LRRC8D: variants seen among roughly 807,000 people sequenced by gnomAD.
The protein encoded by LRRC8D is leucine rich repeat containing 8 VRAC subunit D.
A neutral mutation model predicts 55.8 loss-of-function variants in LRRC8D; 20 were observed. That is an observed-to-expected ratio of 0.36 (90% CI 0.25 to 0.52). LRRC8D has a LOEUF of 0.52. Ranked by LOEUF, LRRC8D falls within the 20% of genes least tolerant of loss-of-function variation. LRRC8D has a pLI of 0.93. For synonymous variants in LRRC8D, 352 were observed against 377.0 expected (o/e 0.93, Z 0.77); for missense variants, 651 against 1,030.8 (o/e 0.63, Z 5.05).
intron 2 of LRRC8D, among the ~76,000 whole-genome samples, chr1:89,921,927 A>G (rs1421158588): frequency 1.3e-5 from 2 of 152,096 alleles, no homozygotes; most frequent in Admixed American, 6.5e-5. Flanking sequence ...AATCTCATGA[A>G]TATATGTTTT....
intron 2 of LRRC8D, among the ~76,000 whole-genome samples, chr1:89,909,662 C>T (rs551513335): frequency 2.6e-5 from 4 of 151,876 alleles, no homozygotes; most frequent in East Asian, 1.9e-4. Flanking sequence ...GTCAGGAGAT[C>T]GAGACCATCC....
chr1:89,936,379 G>T lies in LRRC8D; in HGVS notation c.*734G>T, dbSNP rs1247957164. On this transcript the variant is annotated 3_prime_UTR_variant, in exon 3 of 3. Transcript: ENST00000337338. ...GGTACATTTTTCTACCAGTAATATA[G>T]GGTTGCCAATAAATAGAAAATGTTT... The T allele has an allele frequency of 6.0e-6, 1 of 166,330 alleles. No individual in the cohort carries two copies. The highest frequency in any genetic ancestry group is 1.5e-5 in the Non-Finnish European group (1 of 68,048). 10.3% of individuals were successfully genotyped at this position (166,330 alleles called of 1,614,324 possible).
At chr1:89,841,809 G>C (rs1661139985) in intron 1 of LRRC8D, among the ~76,000 whole-genome samples, 1 of 152,112 alleles carries the variant, frequency 6.6e-6, no homozygotes, top group Non-Finnish European at 1.5e-5. Flanking sequence ...TTATTCAGGT[G>C]GTTAAAGAAA....
rs559209054 is a variant in LRRC8D, at chr1:89,838,814, T to C, written c.-147-4824T>C. ...TTGATCAGTGGATCAGTCTTATTAT[T>C]TTATAAAATAATATCCAGCTGCAGC... is the stretch of plus-strand genomic sequence containing the variant. On this transcript the variant is annotated intron_variant, in intron 1 of 2. Transcript: ENST00000337338. Among the ~76,000 whole-genome samples, 14 of 152,358 alleles carry C rather than the reference T, an allele frequency of 9.2e-5. No individual in the cohort carries two copies. The East Asian group carries it at 2.7e-3, about 29-fold the overall frequency.
At chr1:89,839,991 C>T (rs1570808553) in intron 1 of LRRC8D, among the ~76,000 whole-genome samples, 1 of 152,196 alleles carries the variant, frequency 6.6e-6, no homozygotes, top group African/African-American at 2.4e-5. Context: ...CCCATTAGTC[C>T]TCAGAAAAGC....
intron 2 of LRRC8D, among the ~76,000 whole-genome samples, chr1:89,862,293 T>C (rs987478169): frequency 6.6e-6 from 1 of 152,192 alleles, no homozygotes; most frequent in Non-Finnish European, 1.5e-5. Context: ...TTACATCTAG[T>C]GTACCACCCT....
At chr1:89,921,152 C>T (rs1261777876) in intron 2 of LRRC8D, among the ~76,000 whole-genome samples, 2 of 152,084 alleles carry the variant, frequency 1.3e-5, no homozygotes, top group Non-Finnish European at 2.9e-5. Context: ...TCACTTGAGT[C>T]CAGGAGTTCA....
chr1:89,861,183 C>T (rs1394657711), intron 2 of LRRC8D, among the ~76,000 whole-genome samples: 1 of 152,148 alleles, frequency 6.6e-6, no homozygotes, highest in Non-Finnish European at 1.5e-5. Flanking sequence ...ACATACCATT[C>T]AGTCACAAGC....
At chr1:89,895,199 A>G (rs1662675732) in intron 2 of LRRC8D, among the ~76,000 whole-genome samples, 1 of 152,228 alleles carries the variant, frequency 6.6e-6, no homozygotes, top group East Asian at 1.9e-4. Flanking sequence ...GGACTTTTGT[A>G]TTACTACGCA....
chr1:89,934,023 T>C lies in LRRC8D; in HGVS notation c.955T>C (p.Phe319Leu), dbSNP rs1179387632. 6.2e-7 allele frequency: 1 copy of C among 1,614,198 alleles called. No individual in the cohort carries two copies. The highest frequency in any genetic ancestry group is 8.5e-7 in the Non-Finnish European group (1 of 1,180,034). ...CCAAACAGTTATCAAAACAGCCAAG[T>C]TCATTTTTATTCTCTGCTATACAGC... ...VVQTVIKTAK[F>L]IFILCYTANF... The change falls in exon 3 of 3, where the codon TTC becomes CTC. Residue 319 changes from phenylalanine (F) to leucine (L), a missense_variant. Phe to Leu is a conservative substitution (Grantham distance 22). Transcript: ENST00000337338. This position sits in a 1 kb window ranked among gnomAD's most constrained non-coding sequence, Gnocchi z 5.9.
At position 89,843,713 on chromosome 1, in the gene LRRC8D, G is replaced by C; in HGVS notation, c.-72G>C. On this transcript the variant is annotated 5_prime_UTR_variant, in exon 2 of 3. Transcript: ENST00000337338. ...GAAGTCTCCTGTCGCCGTGGTTCCA[G>C]CCTCCGGAGCTCGCCCAAGCCGCGT... 1 of 701,978 alleles carries C rather than the reference G, an allele frequency of 1.4e-6. No individual in the cohort carries two copies. Among genetic ancestry groups the C allele is most frequent in the Non-Finnish European group, 2.6e-6 (1 of 384,658 alleles). The allele number at this position is 701,978 out of a possible 1,614,324, so 43.5% of individuals were successfully genotyped here.
At chr1:89,916,938 C>G (rs376247017) in intron 2 of LRRC8D, among the ~76,000 whole-genome samples, 1 of 152,080 alleles carries the variant, frequency 6.6e-6, no homozygotes, top group East Asian at 1.9e-4. Context: ...ATTTCCATTT[C>G]ATTGATAAGG....
intron 1 of LRRC8D, among the ~76,000 whole-genome samples, chr1:89,826,186 G>A (rs180787548): frequency 3.3e-5 from 5 of 152,330 alleles, no homozygotes; most frequent in African/African-American, 7.2e-5. Context: ...TAGAATTAAG[G>A]ATGCAGTTGT....
At chr1:89,854,399 G>A (rs933402608) in intron 2 of LRRC8D, among the ~76,000 whole-genome samples, 3 of 150,872 alleles carry the variant, frequency 2.0e-5, no homozygotes, top group Admixed American at 2.0e-4. Flanking sequence ...TTTTCTGTTT[G>A]ATAGAGTACT....
At chr1:89,917,160 C>G (rs994185374) in intron 2 of LRRC8D, among the ~76,000 whole-genome samples, 8 of 152,190 alleles carry the variant, frequency 5.3e-5, no homozygotes, top group African/African-American at 1.9e-4. Context: ...ATTATTCCAT[C>G]TGTTAGATAT....
At chr1:89,922,676 A>G (rs1408177074) in intron 2 of LRRC8D, among the ~76,000 whole-genome samples, 2 of 152,228 alleles carry the variant, frequency 1.3e-5, no homozygotes, top group Non-Finnish European at 2.9e-5. Flanking sequence ...CCAATGAGGC[A>G]TGAATGTTAG....
Position 89,839,555 on chromosome 1 carries a change from CT to C in LRRC8D, c.-147-4080del, listed in dbSNP as rs529004072. 1.2e-3 allele frequency among the ~76,000 whole-genome samples: 184 copies of C among 152,210 alleles called. 3 individuals carry two copies. The highest frequency in any genetic ancestry group is 7.3e-4 in the Non-Finnish European group (50 of 68,052). Reference sequence around the variant, plus strand: ...ATGTGAAATGACACTTACTCTGGTTCTTTAAAGATGGCTAATAATCCTCTAT... The same window carrying C: ...ATGTGAAATGACACTTACTCTGGTTCTTAAAGATGGCTAATAATCCTCTAT... On this transcript the variant is annotated intron_variant, in intron 1 of 2. Transcript: ENST00000337338.
At chr1:89,844,321 A>G (rs1056321355) in intron 2 of LRRC8D, among the ~76,000 whole-genome samples, 20 of 152,168 alleles carry the variant, frequency 1.3e-4, no homozygotes, top group African/African-American at 4.1e-4. Context: ...CAGCTGCTGA[A>G]ACAGAGGACC....
rs535649075 is a variant in LRRC8D at position 89,896,388 on chromosome 1, C to T, written c.-2-36679C>T. 7.9e-5 allele frequency among the ~76,000 whole-genome samples: 12 copies of T among 152,280 alleles called. No individual in the cohort carries two copies. In the East Asian group the frequency reaches 2.3e-3, roughly 29 times the overall value. On this transcript the variant is annotated intron_variant, in intron 2 of 2. Transcript: ENST00000337338. Reference sequence around the variant, plus strand: ...GAAGCAAGATAAAAATGTTTATGTGCCTGGCTCGTGGTCACGTAGCTAGTG... The same window carrying T: ...GAAGCAAGATAAAAATGTTTATGTGTCTGGCTCGTGGTCACGTAGCTAGTG...
Sources: allele counts gnomAD v4.1 joint callset (sites outside exome capture counted in the v4.1 genomes callset), GRCh38; gene constraint gnomAD v4.1.1; non-coding constraint Gnocchi (gnomAD v3.1); transcripts MANE v1.5; gene names NCBI Gene and HGNC (gene_info 2026-07-23, HGNC 2026-07-21).